Variants in ATRIP observed in about 807,000 individuals in gnomAD.
ATRIP encodes ATR-interacting protein.
ATRIP carries 44 observed loss-of-function variants against 78.1 expected under a neutral mutation model. The ratio of observed to expected loss-of-function variants is 0.56; its 90% CI spans 0.44 to 0.72. The LOEUF is 0.72. ATRIP is among the 30% of genes least tolerant of loss of function. ATRIP has a pLI of 0.00. For synonymous variants in ATRIP, 388 were observed against 408.9 expected (o/e 0.95, Z 0.62); for missense variants, 927 against 980.2 (o/e 0.95, Z 0.72).
Position 48,466,993 on chromosome 3 carries a change from G to A in ATRIP, c.*1439G>A, listed in dbSNP as rs201496629. 42 of 1,613,260 alleles carry A rather than the reference G, an allele frequency of 2.6e-5. No homozygotes were observed. The highest frequency in any genetic ancestry group is 2.1e-4 in the African/African-American group (16 of 74,940). ...GCCAACCTGCTCCTAGCCTTCCTGC[G>A]GCGCCAGCCACAGCCCTGGTGCCTG... is the stretch of plus-strand genomic sequence containing the variant. On this transcript the variant is annotated 3_prime_UTR_variant, in exon 13 of 13. Transcript: ENST00000320211.
chr3:48,447,421 A>C, intron 1 of ATRIP: 4 of 1,031,290 alleles, frequency 3.9e-6, no homozygotes, highest in Non-Finnish European at 4.6e-6. Flanking sequence ...ATCACTACCC[A>C]TGCATGGGGA....
rs1238544803 is a variant in ATRIP, at chr3:48,449,481, TCTATATTG to T, written c.248-553_248-546del. ...AACCATGTTCTTAGGTTGAAAAACA[TCTATATTG>T]CTTACTAGATCTTTCCCTGCTTTGC... On this transcript the variant is annotated intron_variant, in intron 1 of 12. Coordinates refer to ENST00000320211, the MANE Select transcript of ATRIP (RefSeq NM_130384.3). Among the ~76,000 whole-genome samples, 3 of 140,938 alleles carry T rather than the reference TCTATATTG, an allele frequency of 2.1e-5. No homozygotes were observed. The Admixed American group carries it at 2.2e-4, about 10-fold the overall frequency. The allele number at this position is 140,938 out of a possible 152,430, so 92.5% of individuals were successfully genotyped here. A position where few individuals can be genotyped will look rare whatever the true frequency, so the allele number is the denominator to read the frequency against.
At position 48,464,147 on chromosome 3, in the gene ATRIP, G is replaced by T. The variant is rs772570922; in HGVS notation, c.1974+15G>T. The T allele has an allele frequency of 5.0e-6, 8 of 1,590,772 alleles. No individual in the cohort carries two copies. In the Admixed American group the frequency reaches 6.7e-5, roughly 13 times the overall value. On this transcript the variant is annotated intron_variant, in intron 10 of 12. Transcript: ENST00000320211. ...TGGAACAAGAGGTAAAAACTCCAGA[G>T]CCCCTTCTGGACACTGTCCCCACCC...
chr3:48,465,346 G>C, intron 12 of ATRIP, 141 bp from the exon 13 acceptor site: 1 of 926,302 alleles, frequency 1.1e-6, no homozygotes, highest in East Asian at 2.6e-5. Context: ...GTATCACTTT[G>C]TTTGCAGTAG....
chr3:48,460,440 C>T lies in ATRIP; in HGVS notation c.1386C>T (p.Thr462=), dbSNP rs770830526. The T allele has an allele frequency of 1.2e-6, 2 of 1,611,844 alleles. No homozygotes were observed. The highest frequency in any genetic ancestry group is 8.5e-7 in the Non-Finnish European group (1 of 1,178,788). The part of the protein sequence containing the change: ...HSSCVSSGVE[T]NPEDSVCILE... Reference sequence around the variant, plus strand: ...CCTGCGTGAGCTCTGGGGTAGAGACCAACCCTGAGGACTCAGTGTGCATCC... The same window carrying T: ...CCTGCGTGAGCTCTGGGGTAGAGACTAACCCTGAGGACTCAGTGTGCATCC... The change falls in exon 8 of 13, where the codon ACC becomes ACT. Residue 462 remains threonine (T), a synonymous_variant. Coordinates refer to ENST00000320211, the MANE Select transcript of ATRIP (RefSeq NM_130384.3).
In ATRIP at chr3:48,466,716, G is replaced by C. The variant is rs1356174769; in HGVS notation, c.*1162G>C. ...GACCCTCATCTTTTTCGACATGGAG[G>C]CCACTGGCTTGCCCTTCTCCCAGCC... On this transcript the variant is annotated 3_prime_UTR_variant, in exon 13 of 13. Transcript: ENST00000320211. The C allele has an allele frequency of 5.6e-6, 9 of 1,614,078 alleles. No individual in the cohort carries two copies. Among genetic ancestry groups the C allele is most frequent in the Non-Finnish European group, 6.8e-6 (8 of 1,180,020 alleles).
rs1175903652 is a variant in ATRIP at position 48,467,461 on chromosome 3, G to T, written c.*1907G>T. On this transcript the variant is annotated 3_prime_UTR_variant, in exon 13 of 13. Transcript: ENST00000320211. Reference sequence around the variant, plus strand: ...AGTCCCAGCCTTGGAGAGAGCAGGGGTACCAAGGATCTTCCTCCAGTGAAG... The same window carrying T: ...AGTCCCAGCCTTGGAGAGAGCAGGGTTACCAAGGATCTTCCTCCAGTGAAG... The T allele has an allele frequency of 8.7e-6, 14 of 1,614,174 alleles. No homozygotes were observed. Among genetic ancestry groups the T allele is most frequent in the African/African-American group, 1.3e-5 (1 of 75,046 alleles).
chr3:48,461,749 A>G (rs993186409), intron 8 of ATRIP, among the ~76,000 whole-genome samples: 4 of 152,096 alleles, frequency 2.6e-5, no homozygotes, highest in African/African-American at 9.7e-5. Flanking sequence ...TTGTTGTCCA[A>G]GCTGGAGTGC....
At chr3:48,448,161 C>CTTTTTTT (rs34075060) in intron 1 of ATRIP, among the ~76,000 whole-genome samples, 1 of 116,764 alleles carries the variant, frequency 8.6e-6, no homozygotes, top group Non-Finnish European at 1.7e-5. Context: ...CGTGAACACC[C>CTTTTTTT]TTTTTTTTTT....
rs1394317231 is a variant in ATRIP, at chr3:48,450,027, T to C, written c.248-10T>C. ...GGGTCCTGAAATGTATATGGAACTA[T>C]TTTTTACAGGTGATCATAAGGTCCA... On this transcript the variant is annotated splice_polypyrimidine_tract_variant and intron_variant, in intron 1 of 12. Coordinates refer to ENST00000320211, the MANE Select transcript of ATRIP (RefSeq NM_130384.3). The C allele has an allele frequency of 2.5e-6, 4 of 1,603,640 alleles. No individual in the cohort carries two copies. Among genetic ancestry groups the C allele is most frequent in the Non-Finnish European group, 3.4e-6 (4 of 1,176,694 alleles).
chr3:48,464,148 C>G lies in ATRIP; in HGVS notation c.1974+16C>G. The G allele has an allele frequency of 5.7e-6, 9 of 1,587,736 alleles. No homozygotes were observed. The highest frequency in any genetic ancestry group is 6.9e-6 in the Non-Finnish European group (8 of 1,156,356). ...GGAACAAGAGGTAAAAACTCCAGAG[C>G]CCCTTCTGGACACTGTCCCCACCCC... is the stretch of plus-strand genomic sequence containing the variant. On this transcript the variant is annotated intron_variant, in intron 10 of 12. Transcript: ENST00000320211.
At position 48,463,793 on chromosome 3, in the gene ATRIP, A is replaced by T. The variant is rs747349865; in HGVS notation, c.1794A>T (p.Thr598=). 6.2e-7 allele frequency: 1 copy of T among 1,613,952 alleles called. No homozygotes were observed. The highest frequency in any genetic ancestry group is 1.7e-5 in the Admixed American group (1 of 59,996). ...TGCCAAAGTGCCTCAGCCCAGAGAC[A>T]CCCCTGCCTAGCGTGCTGCTGGCTG... ...QVLPKCLSPE[T]PLPSVLLAVE... is the part of the protein sequence containing the mutation. The change falls in exon 9 of 13, where the codon ACA becomes ACT. Residue 598 remains threonine, a synonymous_variant. Transcript: ENST00000320211.
Position 48,465,660 on chromosome 3 carries a change from C to T in ATRIP, c.*106C>T, listed in dbSNP as rs1212051415. On this transcript the variant is annotated 3_prime_UTR_variant, in exon 13 of 13. Transcript: ENST00000320211. ...AGGAACTGCCCAGAGAACTGGCTGG[C>T]CTTGTTTCCTGAGTCTGATCTGTTT... is the stretch of plus-strand genomic sequence containing the variant. 4 of 1,195,930 alleles carry T rather than the reference C, an allele frequency of 3.3e-6. No homozygotes were observed. Among genetic ancestry groups the T allele is most frequent in the East Asian group, 5.0e-5 (2 of 40,358 alleles). The allele number at this position is 1,195,930 out of a possible 1,614,324, so 74.1% of individuals were successfully genotyped here. A position where few individuals can be genotyped will look rare whatever the true frequency, so the allele number is the denominator to read the frequency against.
At chr3:48,457,179 T>G (rs1361374146) in intron 4 of ATRIP, 80 bp from the exon 5 acceptor site, 7 of 1,333,798 alleles carry the variant, frequency 5.2e-6, no homozygotes, top group Non-Finnish European at 6.9e-6. Context: ...AGTTTAAAGT[T>G]TGTTAGAAAT....
rs1475152913 is a variant in ATRIP at position 48,466,863 on chromosome 3, T to C, written c.*1309T>C. ...GCGTGTGGTAGACAAGCTCTCCCTG[T>C]GTGTGGCTCCGGGGAAGGCCTGCAG... On this transcript the variant is annotated 3_prime_UTR_variant, in exon 13 of 13. Transcript: ENST00000320211. 1.4e-5 allele frequency: 22 copies of C among 1,613,592 alleles called. No individual in the cohort carries two copies. The highest frequency in any genetic ancestry group is 1.8e-5 in the Non-Finnish European group (21 of 1,180,032).
At chr3:48,464,792 G>A (rs1225279850) in intron 11 of ATRIP, 39 bp from the exon 12 acceptor site, 1 of 1,601,814 alleles carries the variant, frequency 6.2e-7, no homozygotes, top group African/African-American at 1.3e-5. Flanking sequence ...TGCAGGCCAT[G>A]GTGGCACCAG....
chr3:48,464,650 G>C lies in ATRIP; in HGVS notation c.2043G>C (p.Gln681His), dbSNP rs113448339. The change falls in exon 11 of 13, where the codon CAG becomes CAC. Residue 681 changes from glutamine (Q) to histidine (H), a missense_variant. Transcript: ENST00000320211. The stretch of plus-strand genomic sequence containing the variant: ...CCCCAGTCACTGGCTCCAACTGCCA[G>C]TGTAATGTGGAGGTGAGTGGGTAGG... ...PLPPVTGSNC[Q>H]CNVEVVRALT... 196 of 1,614,226 alleles carry C rather than the reference G, an allele frequency of 1.2e-4. No homozygotes were observed. The African/African-American group carries it at 2.0e-3, about 16-fold the overall frequency.
chr3:48,466,948 A>C lies in ATRIP; in HGVS notation c.*1394A>C. On this transcript the variant is annotated 3_prime_UTR_variant, in exon 13 of 13. Coordinates refer to ENST00000320211, the MANE Select transcript of ATRIP (RefSeq NM_130384.3). ...GCTGTGCTGGCAGCGCATGGGCGTCAATGTTTTGATGACAACCTGGCCAAC... is the reference window on the plus strand; with the variant it reads ...GCTGTGCTGGCAGCGCATGGGCGTCCATGTTTTGATGACAACCTGGCCAAC... 1 of 1,611,932 alleles carries C rather than the reference A, an allele frequency of 6.2e-7. No homozygotes were observed. The highest frequency in any genetic ancestry group is 1.1e-5 in the South Asian group (1 of 91,086).
intron 8 of ATRIP, among the ~76,000 whole-genome samples, chr3:48,461,186 GT>G (rs1274104287): frequency 1.3e-5 from 2 of 152,254 alleles, no homozygotes; most frequent in African/African-American, 2.4e-5. Context: ...AGCAGAGGAT[GT>G]GGAGAGGGTC....
Sources: gnomAD v4.1 joint callset for allele counts (sites outside exome capture counted in the v4.1 genomes callset) on GRCh38, gnomAD v4.1.1 for gene constraint, MANE v1.5 for transcripts, NCBI Gene and HGNC (gene_info 2026-07-23, HGNC 2026-07-21) for gene names.